TUT4: variants seen among roughly 807,000 people sequenced by gnomAD.
TUT4 encodes terminal uridylyltransferase 4.
A neutral mutation model predicts 192.2 loss-of-function variants in TUT4; 36 were observed. The ratio of observed to expected loss-of-function variants is 0.19; its 90% CI spans 0.14 to 0.25. The LOEUF is 0.25. Ranked by LOEUF, TUT4 falls within the 10% of genes least tolerant of loss-of-function variation. The pLI, the probability that TUT4 is intolerant of heterozygous loss-of-function variation, is 1.00. For missense variants in TUT4, 1,493 were observed against 1,957.2 expected (o/e 0.76, Z 4.47); for synonymous variants, 618 against 666.0 (o/e 0.93, Z 1.11).
At chr1:52,495,311 G>C in intron 6 of TUT4, 116 bp downstream of exon 6, 2 of 531,534 alleles carry the variant, frequency 3.8e-6, no homozygotes, top group South Asian at 9.4e-5. Flanking sequence ...TAGTCACGAT[G>C]GTAACACTAT....
At chr1:52,503,583 A>C (rs190431336) in intron 4 of TUT4, among the ~76,000 whole-genome samples, 13 of 152,112 alleles carry the variant, frequency 8.5e-5, no homozygotes, top group Admixed American at 2.6e-4. Context: ...TGACATTTTA[A>C]ATTTTTATTT....
At chr1:52,505,630 C>T (rs2149264021) in intron 4 of TUT4, among the ~76,000 whole-genome samples, 1 of 152,098 alleles carries the variant, frequency 6.6e-6, no homozygotes, top group South Asian at 2.1e-4. Flanking sequence ...CCACATTGGC[C>T]AGGCTGGTCT....
intron 26 of TUT4, 146 bp from the exon 27 acceptor site, chr1:52,435,611 G>A (rs996132859): frequency 1.6e-5 from 10 of 630,564 alleles, no homozygotes; most frequent in Admixed American, 5.9e-5. Context: ...GTATATTAAC[G>A]AAGGACTTGC....
intron 25 of TUT4, 81 bp downstream of exon 25, chr1:52,438,139 A>G: frequency 9.0e-7 from 1 of 1,107,612 alleles, no homozygotes; most frequent in Non-Finnish European, 1.3e-6. Context: ...TCTCAGTTAA[A>G]CATTTCTGAA....
At chr1:52,552,295 GCTAT>G (rs1451647936) in intron 1 of TUT4, among the ~76,000 whole-genome samples, 1 of 152,102 alleles carries the variant, frequency 6.6e-6, no homozygotes, top group Non-Finnish European at 1.5e-5. Flanking sequence ...CTAGGAGAGC[GCTAT>G]CTGTTTACAA....
At chr1:52,477,631 G>T in intron 12 of TUT4, 77 bp downstream of exon 12, 1 of 1,386,294 alleles carries the variant, frequency 7.2e-7, no homozygotes, top group Non-Finnish European at 9.8e-7. Context: ...CAAAGCCAAA[G>T]GATTATTAAC....
At chr1:52,499,947 T>TACAC (rs529026224) in intron 4 of TUT4, among the ~76,000 whole-genome samples, 73 of 150,758 alleles carry the variant, frequency 4.8e-4, no homozygotes, top group Non-Finnish European at 4.0e-4. Context: ...TACATATATA[T>TACAC]ACACACACAC....
intron 2 of TUT4, among the ~76,000 whole-genome samples, chr1:52,519,268 G>A (rs1286924024): frequency 6.6e-6 from 1 of 152,090 alleles, no homozygotes; most frequent in Admixed American, 6.5e-5. Context: ...AAATAAGGCA[G>A]GCACAACAGG....
chr1:52,513,990 A>G (rs1677992232), intron 3 of TUT4, among the ~76,000 whole-genome samples: 3 of 152,244 alleles, frequency 2.0e-5, no homozygotes, highest in Non-Finnish European at 4.4e-5. Context: ...AGATGAACAG[A>G]ATTGAATTAT....
chr1:52,470,405 G>GTGCCA (rs1665416730), intron 14 of TUT4, among the ~76,000 whole-genome samples: 1 of 151,828 alleles, frequency 6.6e-6, no homozygotes, highest in Admixed American at 6.6e-5. Context: ...TAAAAAACAC[G>GTGCCA]TGCCATGACC....
rs79561082 is a variant in TUT4, at chr1:52,481,384, C to A, written c.1848+39G>T. 7.4e-4 allele frequency: 1,175 copies of A among 1,592,696 alleles called. 17 individuals carry two copies. In the East Asian group the frequency reaches 0.026, roughly 35 times the overall value. On this transcript the variant is annotated intron_variant, in intron 11 of 29. Transcript: ENST00000257177. ...CAATCGAAGAATATCACAAATTCTA[C>A]AGATAGAAAAGCCAAAAAACAAAAA...
At position 52,438,421 on chromosome 1, in the gene TUT4, T is replaced by C. The variant is rs982406274; in HGVS notation, c.3823-86A>G. On this transcript the variant is annotated intron_variant, in intron 24 of 29. Coordinates refer to ENST00000257177, the MANE Select transcript of TUT4 (RefSeq NM_001009881.3). ...AAAGAAGACCAAGATGCAAACATGG[T>C]TTATTTTTACAAAGAAAATAACAGC... is the stretch of plus-strand genomic sequence containing the variant. 4.5e-5 allele frequency: 39 copies of C among 870,970 alleles called. No homozygotes were observed. In the Admixed American group the frequency reaches 4.7e-4, roughly 11 times the overall value. The allele number at this position is 870,970 out of a possible 1,614,324, so 54.0% of individuals were successfully genotyped here. A position where few individuals can be genotyped will look rare whatever the true frequency, so the allele number is the denominator to read the frequency against.
At chr1:52,462,337 C>T (rs563302626) in intron 16 of TUT4, 5 of 152,372 alleles carry the variant, frequency 3.3e-5, no homozygotes, top group African/African-American at 1.2e-4. Flanking sequence ...AGGCACCCGC[C>T]ACCGTGCCCG....
chr1:52,435,332 C>T (rs1447581301), intron 27 of TUT4, 33 bp downstream of exon 27: 2 of 1,555,848 alleles, frequency 1.3e-6, no homozygotes, highest in African/African-American at 1.4e-5. Context: ...TATCATCAGT[C>T]AAGACTAACA....
chr1:52,488,868 T>C, intron 9 of TUT4, 41 bp downstream of exon 9: 1 of 1,569,756 alleles, frequency 6.4e-7, no homozygotes, highest in East Asian at 2.3e-5. Flanking sequence ...TACATTTCCT[T>C]CTAAAAATAT....
At chr1:52,428,076 T>C (rs1278782707) in intron 28 of TUT4, among the ~76,000 whole-genome samples, 1 of 151,654 alleles carries the variant, frequency 6.6e-6, no homozygotes, top group Non-Finnish European at 1.5e-5. Context: ...ATAGTTAATA[T>C]CGGAAAAAAA....
chr1:52,509,475 C>T (rs1676512595), intron 4 of TUT4, 121 bp downstream of exon 4: 3 of 654,612 alleles, frequency 4.6e-6, no homozygotes, highest in Admixed American at 3.0e-5. Context: ...CCAAAGCTAT[C>T]ACTTCAGTTA....
intron 24 of TUT4, among the ~76,000 whole-genome samples, chr1:52,440,385 C>A (rs551262456): frequency 2.6e-4 from 39 of 150,586 alleles, no homozygotes; most frequent in African/African-American, 9.3e-4. Flanking sequence ...CCTGCCCTGG[C>A]CTTCCAAAGT....
chr1:52,536,744 C>T (rs1685003462), intron 1 of TUT4, among the ~76,000 whole-genome samples: 1 of 152,152 alleles, frequency 6.6e-6, no homozygotes, highest in Non-Finnish European at 1.5e-5. Context: ...ATCCCAGCTA[C>T]TTGGGAGGCT....
Sources: gnomAD v4.1 joint callset for allele counts (sites outside exome capture counted in the v4.1 genomes callset) on GRCh38, gnomAD v4.1.1 for gene constraint, MANE v1.5 for transcripts, NCBI Gene and HGNC (gene_info 2026-07-23, HGNC 2026-07-21) for gene names.